The following MRPS21 variants were observed in gnomAD, a reference collection of about 807,000 sequenced individuals.
MRPS21 encodes mitochondrial ribosomal protein S21.
In MRPS21, 8 loss-of-function variants were observed where a neutral mutation model predicts 9.9. The ratio of observed to expected loss-of-function variants is 0.81; its 90% confidence interval spans 0.47 to 1.45. The LOEUF is 1.45. Among genes scored for constraint, MRPS21 ranks in the 40% most tolerant of loss-of-function variants. The pLI is 0.00. For synonymous variants in MRPS21, 40 were observed against 40.3 expected, an observed-to-expected ratio of 0.99 and a Z score of 0.03; for missense variants, 101 against 118.9, an observed-to-expected ratio of 0.85 and a Z score of 0.70.
chr1:150,294,511 C>G, intron 2 of MRPS21, 62 bp downstream of exon 2: 1 of 1,375,674 alleles, frequency 7.3e-7, no homozygotes, highest in Non-Finnish European at 1.0e-6. Flanking sequence ...GTTATTCTCT[C>G]CCTTCCCCTT....
chr1:150,295,216 G>C (rs1653873528), intron 2 of MRPS21, among the ~76,000 whole-genome samples: 1 of 151,964 alleles, frequency 6.6e-6, no homozygotes, highest in South Asian at 2.1e-4. Flanking sequence ...GGATGGTCTT[G>C]ATCTCCTGAC....
chr1:150,306,122 C>T (rs1553858482), intron 2 of MRPS21, among the ~76,000 whole-genome samples: 2 of 152,170 alleles, frequency 1.3e-5, no homozygotes, highest in Admixed American at 6.6e-5. Context: ...ACCAGAGTGA[C>T]ATGATCTGAT....
Position 150,297,289 on chromosome 1 carries a change from TA to T in MRPS21, c.83+2841del, listed in dbSNP as rs1225922469. ...CTGGGCAACAGAGCGAGACTCTGTC[TA>T]CAAAAAAAAAAAGAAAAAATGCTGT... On this transcript the variant is annotated intron_variant, in intron 2 of 2. Coordinates refer to ENST00000614145, the MANE Select transcript of MRPS21 (RefSeq NM_031901.6). Among the ~76,000 whole-genome samples, 199 of 104,082 alleles carry T rather than the reference TA, an allele frequency of 1.9e-3. 2 individuals carry two copies. Among genetic ancestry groups the T allele is most frequent in the Middle Eastern group, 4.6e-3 (1 of 218 alleles). 68.3% of individuals were successfully genotyped at this position (104,082 alleles called of 152,430 possible).
chr1:150,306,333 A>G (rs1654329129), intron 2 of MRPS21, among the ~76,000 whole-genome samples: 1 of 152,082 alleles, frequency 6.6e-6, no homozygotes, highest in Admixed American at 6.6e-5. Flanking sequence ...GCTGGAGTGC[A>G]GTGGCACCAT....
chr1:150,298,409 C>T (rs1653990783), intron 2 of MRPS21, among the ~76,000 whole-genome samples: 1 of 152,064 alleles, frequency 6.6e-6, no homozygotes, highest in African/African-American at 2.4e-5. Flanking sequence ...GGTCTTCTGG[C>T]CATGGTTGTT....
intron 2 of MRPS21, among the ~76,000 whole-genome samples, chr1:150,299,421 CTTTTCCTGTTTT>C (rs1336001030): frequency 3.5e-5 from 2 of 57,476 alleles, no homozygotes; most frequent in African/African-American, 7.1e-5. Context: ...TCAGTTTTTG[CTTTTCCTGTTTT>C]TTTTTCTGTT....
intron 2 of MRPS21, among the ~76,000 whole-genome samples, chr1:150,302,896 C>T (rs945418120): frequency 2.6e-5 from 4 of 152,174 alleles, no homozygotes; most frequent in African/African-American, 7.2e-5. Context: ...GGAATCCTCA[C>T]CTGGCATCTT....
intron 2 of MRPS21, among the ~76,000 whole-genome samples, chr1:150,301,947 A>G (rs1210001686): frequency 6.6e-6 from 1 of 152,218 alleles, no homozygotes; most frequent in Non-Finnish European, 1.5e-5. Flanking sequence ...ATACGTGAGC[A>G]GACTGATTTT....
chr1:150,306,851 T>C (rs1036070282), intron 2 of MRPS21, among the ~76,000 whole-genome samples: 3 of 152,078 alleles, frequency 2.0e-5, no homozygotes, highest in Non-Finnish European at 4.4e-5. Context: ...ATTCTGTTCT[T>C]ACTGAAAATG....
intron 2 of MRPS21, among the ~76,000 whole-genome samples, chr1:150,298,338 T>C (rs1238274064): frequency 6.6e-6 from 1 of 152,202 alleles, no homozygotes; most frequent in Admixed American, 6.5e-5. Context: ...ACTTCACTCT[T>C]TTTTTCTGAC....
intron 2 of MRPS21, among the ~76,000 whole-genome samples, chr1:150,295,001 T>C (rs1182314886): frequency 6.7e-6 from 1 of 149,722 alleles, no homozygotes; most frequent in African/African-American, 2.4e-5. Flanking sequence ...TTTTAATTTT[T>C]TTTTTTTTTT....
intron 1 of MRPS21, 24 bp from the exon 2 acceptor site, chr1:150,294,311 C>A: frequency 6.7e-7 from 1 of 1,481,570 alleles, no homozygotes; most frequent in Non-Finnish European, 9.4e-7. Flanking sequence ...CTGCTTTCCT[C>A]GCCCTTTCTC....
intron 1 of MRPS21, 27 bp downstream of exon 1, chr1:150,293,925 A>G (rs912240800): frequency 4.4e-5 from 9 of 203,422 alleles, no homozygotes; most frequent in Non-Finnish European, 8.3e-5. Context: ...GGTTTGGGGA[A>G]AGGAAGGCTG....
At chr1:150,305,197 G>A (rs1429424812) in intron 2 of MRPS21, among the ~76,000 whole-genome samples, 1 of 45,488 alleles carries the variant, frequency 2.2e-5, no homozygotes, top group East Asian at 8.3e-4. Context: ...GTGCCACCAT[G>A]TCTGGTTAAT....
chr1:150,307,559 T>C (rs1192942085), intron 2 of MRPS21, among the ~76,000 whole-genome samples: 1 of 151,802 alleles, frequency 6.6e-6, no homozygotes, highest in African/African-American at 2.4e-5. Context: ...GGTTTTGCCG[T>C]GTTGCCCATG....
At chr1:150,303,834 T>A (rs1241096109) in intron 2 of MRPS21, 1 of 453,892 alleles carries the variant, frequency 2.2e-6, no homozygotes, top group Non-Finnish European at 4.4e-6. Flanking sequence ...GTAAGGTCAC[T>A]TAATCCCTTG....
At chr1:150,299,446 T>C (rs1401472688) in intron 2 of MRPS21, among the ~76,000 whole-genome samples, 55 of 150,852 alleles carry the variant, frequency 3.6e-4, no homozygotes, top group African/African-American at 7.8e-4. Flanking sequence ...TTTCTGTTTT[T>C]TGTTTGTTTG....
intron 2 of MRPS21, among the ~76,000 whole-genome samples, chr1:150,297,429 T>C (rs1380788033): frequency 6.6e-6 from 1 of 152,152 alleles, no homozygotes; most frequent in Non-Finnish European, 1.5e-5. Context: ...CCCAGCACTT[T>C]GGGAGGTTCA....
chr1:150,297,439 A>G (rs1039122045), intron 2 of MRPS21, among the ~76,000 whole-genome samples: 42 of 152,164 alleles, frequency 2.8e-4, no homozygotes, highest in Non-Finnish European at 5.3e-4. Context: ...TGGGAGGTTC[A>G]GGCGGGTGGA....
Sources: allele counts gnomAD v4.1 joint callset (sites outside exome capture counted in the v4.1 genomes callset), GRCh38; gene constraint gnomAD v4.1.1; transcripts MANE v1.5; gene names NCBI Gene and HGNC (gene_info 2026-07-23, HGNC 2026-07-21).